Variants in HAO2 observed in about 807,000 individuals in gnomAD.
HAO2 encodes the protein 2-Hydroxyacid oxidase 2.
HAO2 carries 42 observed loss-of-function variants against 37.4 expected under a neutral mutation model. The ratio of observed to expected loss-of-function variants is 1.12; its 90% CI spans 0.88 to 1.45. The LOEUF (loss-of-function observed/expected upper bound fraction) is 1.45, where lower values mean the gene tolerates loss of function less well. Among genes scored for constraint, HAO2 ranks in the 40% most tolerant of loss-of-function variants. The pLI is 0.00. For synonymous variants in HAO2, 180 were observed against 162.8 expected (o/e 1.11, Z -0.81); for missense variants, 476 against 430.2 (o/e 1.11, Z -0.94).
intron 5 of HAO2, among the ~76,000 whole-genome samples, chr1:119,391,424 C>G (rs1441617075): frequency 1.3e-5 from 2 of 152,150 alleles, no homozygotes; most frequent in Non-Finnish European, 2.9e-5. Context: ...TTTGCCTGTT[C>G]CCTGGAATTG....
Position 119,386,804 on chromosome 1 carries a change from G to A in HAO2, c.744G>A (p.Gly248=), listed in dbSNP as rs140316804. The A allele has an allele frequency of 6.2e-6, 10 of 1,612,664 alleles. No individual in the cohort carries two copies. In the African/African-American group the frequency reaches 1.2e-4, roughly 19 times the overall value. Residue 248 remains glycine (G), a synonymous_variant, in exon 5 of 8, where the codon GGG becomes GGA. Transcript: ENST00000325945. ...VQGIIVSNHG[G]RQLDEVLASI... ...GTATCATTGTTTCCAACCATGGTGG[G>A]AGGCAGCTTGATGAGGTTCTTGCTT...
chr1:119,392,326 C>T (rs1650978902), intron 6 of HAO2, 58 bp downstream of exon 6: 5 of 1,387,046 alleles, frequency 3.6e-6, no homozygotes, highest in South Asian at 2.5e-5. Context: ...CATTTCTGTG[C>T]TTTCCTGTGG....
At chr1:119,386,980 C>A in intron 5 of HAO2, 149 bp downstream of exon 5, 1 of 625,890 alleles carries the variant, frequency 1.6e-6, no homozygotes, top group Non-Finnish European at 2.9e-6. Flanking sequence ...ATTTTAAGGA[C>A]TGTTAATTAT....
rs145742575 is a variant in HAO2 at position 119,394,034 on chromosome 1, C to A, written c.*194C>A. 4 of 1,399,496 alleles carry A rather than the reference C, an allele frequency of 2.9e-6. No individual in the cohort carries two copies. The highest frequency in any genetic ancestry group is 3.7e-6 in the Non-Finnish European group (4 of 1,071,820). 86.7% of individuals were successfully genotyped at this position (1,399,496 alleles called of 1,614,324 possible). ...CCCTGTGTTCCCCAAATGTTCCATG[C>A]CCTTCTTTGTATCACTGACTATTAT... On this transcript the variant is annotated 3_prime_UTR_variant, in exon 8 of 8. Coordinates refer to ENST00000325945, the MANE Select transcript of HAO2 (RefSeq NM_016527.4).
chr1:119,378,805 A>C (rs1023862077), intron 1 of HAO2, among the ~76,000 whole-genome samples: 19 of 152,198 alleles, frequency 1.2e-4, no homozygotes, highest in African/African-American at 4.1e-4. Context: ...TTATTGAGAT[A>C]TCAGGAGTTG....
Position 119,392,109 on chromosome 1 carries a change from G to T in HAO2, c.772-1G>T, listed in dbSNP as rs763281279. ...CCAGCCCATGTGTATCTCCTTTTCA[G>T]ATTGATGCTTTGACAGAAGTGGTGG... is the stretch of plus-strand genomic sequence containing the variant. On this transcript the variant is annotated splice_acceptor_variant, in intron 5 of 7. Transcript: ENST00000325945. LOFTEE classifies it high-confidence loss of function. 1.2e-6 allele frequency: 2 copies of T among 1,611,768 alleles called. No individual in the cohort carries two copies. Among genetic ancestry groups the T allele is most frequent in the Non-Finnish European group, 1.7e-6 (2 of 1,178,838 alleles).
At chr1:119,374,830 A>T (rs1159683145) in intron 1 of HAO2, among the ~76,000 whole-genome samples, 1 of 152,246 alleles carries the variant, frequency 6.6e-6, no homozygotes, top group East Asian at 1.9e-4. Flanking sequence ...AATATTAAAG[A>T]AAACCACGTC....
chr1:119,379,658 T>G (rs1003388666), intron 1 of HAO2, among the ~76,000 whole-genome samples: 1 of 152,180 alleles, frequency 6.6e-6, no homozygotes, highest in Non-Finnish European at 1.5e-5. Context: ...ACTGGCAGAC[T>G]ACTTTTTCTA....
chr1:119,392,605 G>A lies in HAO2; in HGVS notation c.931-13G>A, dbSNP rs1304621697. On this transcript the variant is annotated splice_polypyrimidine_tract_variant and intron_variant, in intron 6 of 7. Transcript: ENST00000325945. ...TGTCTCTTTGTGTCTCTGTCTGTCTGCCTCGGGAGCAGGGTGAACATGGTG... is the reference window on the plus strand; with the variant it reads ...TGTCTCTTTGTGTCTCTGTCTGTCTACCTCGGGAGCAGGGTGAACATGGTG... The A allele has an allele frequency of 2.5e-6, 4 of 1,581,866 alleles. No homozygotes were observed. Among genetic ancestry groups the A allele is most frequent in the Non-Finnish European group, 2.6e-6 (3 of 1,150,906 alleles).
intron 1 of HAO2, among the ~76,000 whole-genome samples, chr1:119,371,493 A>T (rs1235651698): frequency 6.6e-6 from 1 of 152,220 alleles, no homozygotes; most frequent in Non-Finnish European, 1.5e-5. Context: ...GCAAAGTTGC[A>T]TATGTCCATG....
chr1:119,385,560 T>C, intron 4 of HAO2: 1 of 966,164 alleles, frequency 1.0e-6, no homozygotes, highest in Non-Finnish European at 1.2e-6. Context: ...TCTGCACACA[T>C]AGAGCTCATT....
chr1:119,380,661 G>A, intron 1 of HAO2: 1 of 1,557,308 alleles, frequency 6.4e-7, no homozygotes, highest in Non-Finnish European at 8.9e-7. Flanking sequence ...GGCATGATCA[G>A]CCTTGAACTT....
At position 119,382,868 on chromosome 1, in the gene HAO2, T is replaced by C. The variant is rs745632816; in HGVS notation, c.132-47T>C. Reference sequence around the variant, plus strand: ...TCCACCCCAGACAACGCCTCCCTGCTGCAGAATCATCTCACCAACAGAAGA... The same window carrying C: ...TCCACCCCAGACAACGCCTCCCTGCCGCAGAATCATCTCACCAACAGAAGA... On this transcript the variant is annotated intron_variant, in intron 2 of 7. Transcript: ENST00000325945. The C allele has an allele frequency of 3.2e-6, 5 of 1,585,376 alleles. No homozygotes were observed. The East Asian group carries it at 9.0e-5, about 28-fold the overall frequency.
intron 2 of HAO2, among the ~76,000 whole-genome samples, chr1:119,382,423 C>G (rs1457505873): frequency 6.6e-6 from 1 of 152,170 alleles, no homozygotes; most frequent in Non-Finnish European, 1.5e-5. Context: ...AACTAACTAG[C>G]CTCTATCACA....
At chr1:119,375,663 AC>A (rs1365251906) in intron 1 of HAO2, among the ~76,000 whole-genome samples, 2 of 152,170 alleles carry the variant, frequency 1.3e-5, no homozygotes. Context: ...AGACTGGGTA[AC>A]TTATAAAGAA....
intron 1 of HAO2, 27 bp from the exon 2 acceptor site, chr1:119,381,051 G>C (rs773145980): frequency 1.2e-6 from 2 of 1,606,832 alleles, no homozygotes; most frequent in Admixed American, 1.7e-5. Context: ...CACTGGGTTT[G>C]GTTTGGTTTT....
At chr1:119,389,632 AT>A (rs111554074) in intron 5 of HAO2, among the ~76,000 whole-genome samples, 4,741 of 138,336 alleles carry the variant, frequency 0.034, 139 homozygotes, top group African/African-American at 0.09. Flanking sequence ...TTTTGATGAG[AT>A]TTTTTTTTTT....
intron 5 of HAO2, among the ~76,000 whole-genome samples, chr1:119,389,664 A>G (rs1197760558): frequency 7.1e-6 from 1 of 141,426 alleles, no homozygotes; most frequent in South Asian, 2.2e-4. Flanking sequence ...AATTTGTTTG[A>G]GTTCCTCGTA....
Position 119,394,074 on chromosome 1 carries a change from C to A in HAO2, c.*234C>A. The A allele has an allele frequency of 7.7e-7, 1 of 1,306,552 alleles. No homozygotes were observed. The highest frequency in any genetic ancestry group is 1.8e-5 in the South Asian group (1 of 55,706). 80.9% of individuals were successfully genotyped at this position (1,306,552 alleles called of 1,614,324 possible). A position where few individuals can be genotyped will look rare whatever the true frequency, so the allele number is the denominator to read the frequency against. On this transcript the variant is annotated 3_prime_UTR_variant, in exon 8 of 8. Transcript: ENST00000325945. ...CTGACTATTATATGTTGCTCTCTTG[C>A]CTAAATCTTCCTCTGAAGTAAAAGA... is the stretch of plus-strand genomic sequence containing the variant.
Sources: allele counts gnomAD v4.1 joint callset (sites outside exome capture counted in the v4.1 genomes callset), GRCh38; gene constraint gnomAD v4.1.1; transcripts MANE v1.5; gene names NCBI Gene and HGNC (gene_info 2026-07-23, HGNC 2026-07-21).